Variants in OGFR observed in about 807,000 individuals in gnomAD.
OGFR encodes protein 7-60.
OGFR carries 18 observed loss-of-function variants against 33.6 expected under a neutral mutation model. The ratio of observed to expected loss-of-function variants is 0.54; its 90% CI spans 0.37 to 0.80. The LOEUF (loss-of-function observed/expected upper bound fraction) is 0.80, where lower values mean the gene tolerates loss of function less well. OGFR is among the 30% of genes least tolerant of loss of function. OGFR has a pLI of 0.00. For synonymous variants in OGFR, 370 were observed against 400.7 expected (o/e 0.92, Z 0.91); for missense variants, 877 against 955.8 (o/e 0.92, Z 1.09).
chr20:62,805,150 C>T (rs79847198), intron 1 of OGFR, 120 bp downstream of exon 1: 148,341 of 717,310 alleles, frequency 0.21, 16,902 homozygotes, highest in Non-Finnish European at 0.23. Context: ...CTCCCGCAGC[C>T]CCGGGGACCC....
intron 2 of OGFR, 119 bp from the exon 3 acceptor site, chr20:62,808,128 C>G: frequency 1.2e-6 from 1 of 818,874 alleles, no homozygotes; most frequent in Non-Finnish European, 2.2e-6. Flanking sequence ...GCCAGGCGGG[C>G]TCTTGGGGTA....
At position 62,812,935 on chromosome 20, in the gene OGFR, G is replaced by A. The variant is rs1037171887; in HGVS notation, c.1320G>A (p.Val440=). Residue 440 remains valine, a synonymous_variant, in exon 7 of 7, where the codon GTG becomes GTA. Transcript: ENST00000290291. ...GCGGTCAGGACCCTGGGGAGGCAGT[G>A]CAGCCCTGCCGCCAACCCCTGGGAG... is the stretch of plus-strand genomic sequence containing the variant. ...EVGGQDPGEA[V]QPCRQPLGAR... 18 of 1,612,192 alleles carry A rather than the reference G, an allele frequency of 1.1e-5. No homozygotes were observed. The highest frequency in any genetic ancestry group is 1.4e-5 in the Non-Finnish European group (17 of 1,179,872).
At chr20:62,811,339 A>C (rs532714529) in intron 5 of OGFR, 123 bp from the exon 6 acceptor site, 23 of 1,075,244 alleles carry the variant, frequency 2.1e-5, no homozygotes, top group African/African-American at 6.3e-5. Flanking sequence ...CTCTAAATAA[A>C]TGTCTGTCTG....
Position 62,804,839 on chromosome 20 carries a change from C to T in OGFR, c.-21C>T. The T allele has an allele frequency of 6.9e-7, 1 of 1,440,920 alleles. No homozygotes were observed. Among genetic ancestry groups the T allele is most frequent in the Non-Finnish European group, 9.1e-7 (1 of 1,098,202 alleles). The allele number at this position is 1,440,920 out of a possible 1,614,324, so 89.3% of individuals were successfully genotyped here. On this transcript the variant is annotated 5_prime_UTR_variant, in exon 1 of 7. Transcript: ENST00000290291. ...TTCGGTTTCGCTTCCGCCTCCAGCG[C>T]GAGCCCCGCCGCCGCCGAGCATGGA...
intron 3 of OGFR, among the ~76,000 whole-genome samples, chr20:62,808,981 A>T (rs1990662349): frequency 3.2e-5 from 2 of 62,926 alleles, no homozygotes; most frequent in Non-Finnish European, 7.6e-5. Flanking sequence ...TCTCAAAAAA[A>T]AAAAAAAAAA....
Position 62,813,700 on chromosome 20 carries a change from C to T in OGFR, c.*51C>T. The T allele has an allele frequency of 6.3e-7, 1 of 1,597,166 alleles. No individual in the cohort carries two copies. The highest frequency in any genetic ancestry group is 8.6e-7 in the Non-Finnish European group (1 of 1,167,552). On this transcript the variant is annotated 3_prime_UTR_variant, in exon 7 of 7. Coordinates refer to ENST00000290291, the MANE Select transcript of OGFR (RefSeq NM_007346.4). ...GGTCCTCCTGTCCCTGCTGCAGGGG[C>T]TGGGGCCTCCGGAGCTGCTGCGGGC...
At chr20:62,807,833 G>A (rs186678251) in intron 2 of OGFR, 350 of 605,024 alleles carry the variant, frequency 5.8e-4, no homozygotes, top group African/African-American at 5.7e-3. Flanking sequence ...TCAGCACACC[G>A]TCGCCTTGCA....
At chr20:62,807,817 T>C (rs1990631518) in intron 2 of OGFR, 2 of 611,310 alleles carry the variant, frequency 3.3e-6, no homozygotes, top group African/African-American at 3.7e-5. Context: ...CCTACTTTTC[T>C]GAGCTTCAGC....
At chr20:62,810,119 C>T (rs1990690267) in intron 4 of OGFR, among the ~76,000 whole-genome samples, 1 of 152,228 alleles carries the variant, frequency 6.6e-6, no homozygotes, top group South Asian at 2.1e-4. Flanking sequence ...GGGGACAGCT[C>T]GCTGGGCGTC....
Position 62,810,521 on chromosome 20 carries a change from G to C in OGFR, c.421G>C (p.Gly141Arg), listed in dbSNP as rs1990700561. 6.2e-7 allele frequency: 1 copy of C among 1,613,262 alleles called. No homozygotes were observed. Among genetic ancestry groups the C allele is most frequent in the African/African-American group, 1.3e-5 (1 of 75,070 alleles). ...CAGGCTGTTTCCTCTGCGAGAACCA[G>C]GAGTGAACTGGCATGCCAAGCCCCT... ...IQWLFPLREPGVNWHAKPLTL... is the reference protein window; with the variant it reads ...IQWLFPLREPRVNWHAKPLTL... Residue 141 changes from glycine to arginine, a missense_variant, in exon 5 of 7, where the codon GGA becomes CGA. Transcript: ENST00000290291.
chr20:62,804,918 C>T lies in OGFR; in HGVS notation c.59C>T (p.Ala20Val), dbSNP rs201801349. 1 of 1,495,576 alleles carries T rather than the reference C, an allele frequency of 6.7e-7. No homozygotes were observed. Among genetic ancestry groups the T allele is most frequent in the Non-Finnish European group, 8.9e-7 (1 of 1,122,624 alleles). 92.6% of individuals were successfully genotyped at this position (1,495,576 alleles called of 1,614,324 possible). The change falls in exon 1 of 7, where the codon GCG becomes GTG. Residue 20 changes from alanine (A) to valine (V), a missense_variant. Physicochemically the swap from Ala to Val is moderately conservative, Grantham distance 64. Around this residue, in one of 3 missense-constraint regions of OGFR, gnomAD observed 760 missense variants for 736.0 expected, o/e 1.03. Coordinates refer to ENST00000290291, the MANE Select transcript of OGFR (RefSeq NM_007346.4). ...GAGGACGAGGAGGATGCGGAGGACG[C>T]GGAGGACGAGGACTGCGAGGACGGC... ...WEEDEEDAED[A>V]EDEDCEDGEA...
chr20:62,810,054 T>C (rs1257858312), intron 4 of OGFR, among the ~76,000 whole-genome samples: 2 of 151,564 alleles, frequency 1.3e-5, no homozygotes, highest in Non-Finnish European at 2.9e-5. Flanking sequence ...ATGAGACTTG[T>C]GGCAGGCGTC....
Position 62,808,234 on chromosome 20 carries a change from T to C in OGFR, c.241-13T>C. 1.9e-6 allele frequency: 3 copies of C among 1,608,594 alleles called. No individual in the cohort carries two copies. The highest frequency in any genetic ancestry group is 2.6e-6 in the Non-Finnish European group (3 of 1,175,510). ...TGATGGATCCCTGCTGTCCCCTTTCTCTGGCTCTTCAGGATCTGGTGGAAC... is the reference window on the plus strand; with the variant it reads ...TGATGGATCCCTGCTGTCCCCTTTCCCTGGCTCTTCAGGATCTGGTGGAAC... On this transcript the variant is annotated splice_polypyrimidine_tract_variant and intron_variant, in intron 2 of 6. Transcript: ENST00000290291.
chr20:62,811,380 G>A, intron 5 of OGFR, 82 bp from the exon 6 acceptor site: 2 of 1,492,434 alleles, frequency 1.3e-6, no homozygotes, highest in Admixed American at 3.8e-5. Flanking sequence ...CTCTGAGTGA[G>A]TCGGGACCCA....
chr20:62,811,505 C>T lies in OGFR; in HGVS notation c.509C>T (p.Ala170Val). 6.2e-7 allele frequency: 1 copy of T among 1,608,152 alleles called. No individual in the cohort carries two copies. Among genetic ancestry groups the T allele is most frequent in the Non-Finnish European group, 8.5e-7 (1 of 1,178,196 alleles). ...GAGATCCAGGAGCGGCTTGTCCGGGCCTACGAGCTCATGCTGGGCTTCTAC... is the reference window on the plus strand; with the variant it reads ...GAGATCCAGGAGCGGCTTGTCCGGGTCTACGAGCTCATGCTGGGCTTCTAC... ...SQEIQERLVR[A>V]YELMLGFYGI... Residue 170 changes from alanine to valine, a missense_variant, in exon 6 of 7, where the codon GCC becomes GTC. This residue lies in a region of OGFR where 760 missense variants were observed against 736.0 expected (regional missense o/e 1.03). Transcript: ENST00000290291.
Position 62,811,626 on chromosome 20 carries a change from T to TGGGCCCCCC in OGFR, c.614+16_614+17insGGGCCCCCC. 2.0e-6 allele frequency: 3 copies of TGGGCCCCCC among 1,502,498 alleles called. No homozygotes were observed. Among genetic ancestry groups the TGGGCCCCCC allele is most frequent in the Non-Finnish European group, 9.0e-7 (1 of 1,110,102 alleles). The allele number at this position is 1,502,498 out of a possible 1,614,324, so 93.1% of individuals were successfully genotyped here. The stretch of plus-strand genomic sequence containing the variant: ...ACCTGAACTGGTGAGGCCCGGCTGC[T>TGGGCCCCCC]CCCGCCCACCCCCACCCCGGCGCAG... On this transcript the variant is annotated intron_variant, in intron 6 of 6. Coordinates refer to ENST00000290291, the MANE Select transcript of OGFR (RefSeq NM_007346.4).
chr20:62,807,991 G>T, intron 2 of OGFR: 1 of 605,726 alleles, frequency 1.7e-6, no homozygotes, highest in Non-Finnish European at 2.9e-6. Flanking sequence ...AAACCCCTGT[G>T]CTGCCTTCAG....
chr20:62,813,544 C>T lies in OGFR; in HGVS notation c.1929C>T (p.Gly643=), dbSNP rs548713678. 6.2e-7 allele frequency: 1 copy of T among 1,605,686 alleles called. No homozygotes were observed. The highest frequency in any genetic ancestry group is 2.2e-5 in the East Asian group (1 of 44,620). ...EPAESPSETP[G]PSPAGPTRDE... is the part of the protein sequence containing the mutation. Reference sequence around the variant, plus strand: ...CCGAGAGCCCATCGGAGACCCCAGGCCCCAGCCCGGCAGGACCTACAAGGG... The same window carrying T: ...CCGAGAGCCCATCGGAGACCCCAGGTCCCAGCCCGGCAGGACCTACAAGGG... Residue 643 remains glycine (G), a synonymous_variant, in exon 7 of 7, where the codon GGC becomes GGT. Transcript: ENST00000290291.
In OGFR at chr20:62,813,748, AC is replaced by A. The variant is rs1417505254; in HGVS notation, c.*102del. The A allele has an allele frequency of 1.4e-6, 2 of 1,407,444 alleles. No homozygotes were observed. The highest frequency in any genetic ancestry group is 2.3e-5 in the East Asian group (1 of 43,838). The allele number at this position is 1,407,444 out of a possible 1,614,324, so 87.2% of individuals were successfully genotyped here. On this transcript the variant is annotated 3_prime_UTR_variant, in exon 7 of 7. Transcript: ENST00000290291. ...GGCTCCCCTCAGGCTCTGCTTCGTG[AC>A]CCGTGACCCATGACCCACAGTGCTG...
Sources: gnomAD v4.1 joint callset for allele counts (sites outside exome capture counted in the v4.1 genomes callset) on GRCh38, gnomAD v4.1.1 for gene constraint, gnomAD v4.1.1 regional missense constraint, MANE v1.5 for transcripts, NCBI Gene and HGNC (gene_info 2026-07-23, HGNC 2026-07-21) for gene names.